Variants in PODXL observed in about 807,000 individuals in gnomAD.
PODXL encodes the protein podocalyxin.
PODXL carries 20 observed loss-of-function variants against 48.9 expected under a neutral mutation model. The observed-to-expected ratio is 0.41, with a 90% CI of 0.29 to 0.59. The LOEUF (loss-of-function observed/expected upper bound fraction) is 0.59, where lower values mean the gene tolerates loss of function less well. PODXL is among the 20% of genes least tolerant of loss of function. The probability of loss-of-function intolerance (pLI) is 0.31; values close to 1 mark genes in which losing one functional copy is unlikely to be tolerated. For missense variants in PODXL, 606 were observed against 675.1 expected (o/e 0.90, Z 1.13); for synonymous variants, 295 against 287.4 (o/e 1.03, Z -0.27).
chr7:131,524,612 G>T (rs549863038), intron 1 of PODXL, among the ~76,000 whole-genome samples: 2 of 152,130 alleles, frequency 1.3e-5, no homozygotes, highest in Non-Finnish European at 1.5e-5. Context: ...ACAAACTGAC[G>T]ATCCCAAATG....
chr7:131,504,504 C>A lies in PODXL; in HGVS notation c.1484G>T (p.Arg495Leu). 1.2e-6 allele frequency: 2 copies of A among 1,614,058 alleles called. No homozygotes were observed. Among genetic ancestry groups the A allele is most frequent in the Non-Finnish European group, 1.7e-6 (2 of 1,179,932 alleles). The change falls in exon 9 of 9, where the codon CGG becomes CTG. Residue 495 changes from arginine to leucine, a missense_variant. Arg to Leu is a moderately radical substitution (Grantham distance 102, BLOSUM62 -2). Coordinates refer to ENST00000378555, the MANE Select transcript of PODXL (RefSeq NM_001018111.3). ...CACTGTCTGCAGCTCCTCTGTTAGCCGCTGCTAGAGTGGGGAAGGTGACCG... is the reference window on the plus strand; with the variant it reads ...CACTGTCTGCAGCTCCTCTGTTAGCAGCTGCTAGAGTGGGGAAGGTGACCG... ...QRLSQRKDQQ[R>L]LTEELQTVEN...
At chr7:131,511,862 G>GCA (rs1797919466) in intron 1 of PODXL, among the ~76,000 whole-genome samples, 1 of 152,298 alleles carries the variant, frequency 6.6e-6, no homozygotes, top group South Asian at 2.1e-4. Flanking sequence ...AGGCTGTCAT[G>GCA]CATGCCCTGC....
intron 1 of PODXL, among the ~76,000 whole-genome samples, chr7:131,551,394 C>G (rs1798665018): frequency 6.6e-6 from 1 of 152,192 alleles, no homozygotes; most frequent in African/African-American, 2.4e-5. Flanking sequence ...GGCTGAGGTC[C>G]AGTGAAAGTG....
chr7:131,522,707 G>A (rs1275614770), intron 1 of PODXL, among the ~76,000 whole-genome samples: 2 of 152,232 alleles, frequency 1.3e-5, no homozygotes, highest in Non-Finnish European at 2.9e-5. Flanking sequence ...ATCTACTTCT[G>A]TCTATGGACT....
chr7:131,540,572 G>A (rs1458804730), intron 1 of PODXL, among the ~76,000 whole-genome samples: 1 of 152,024 alleles, frequency 6.6e-6, no homozygotes, highest in Non-Finnish European at 1.5e-5. Context: ...CCTGCAACCT[G>A]TCCCCAGGCA....
intron 1 of PODXL, among the ~76,000 whole-genome samples, chr7:131,532,445 A>AAAT (rs1562913008): frequency 6.7e-6 from 1 of 148,702 alleles, no homozygotes; most frequent in Non-Finnish European, 1.5e-5. Context: ...CAAAAAAAAA[A>AAAT]AAAAAATTAA....
At chr7:131,539,709 G>C (rs933274863) in intron 1 of PODXL, among the ~76,000 whole-genome samples, 8 of 152,252 alleles carry the variant, frequency 5.3e-5, no homozygotes. Context: ...GGGGCAGCCA[G>C]GCTCAGCCAG....
Position 131,505,872 on chromosome 7 carries a change from T to G in PODXL, c.1475A>C (p.Asp492Ala). Residue 492 changes from aspartate (D) to alanine (A), a missense_variant, in exon 8 of 9, where the codon GAC becomes GCC. Coordinates refer to ENST00000378555, the MANE Select transcript of PODXL (RefSeq NM_001018111.3). ...CCHQRLSQRK[D>A]QQRLTEELQT... ...TGGCTGCAAACAGCTGCTTACCTGG[T>G]CCTTCCTCTGGGAGAGGCGCTGGTG... is the stretch of plus-strand genomic sequence containing the variant. 1 of 1,560,804 alleles carries G rather than the reference T, an allele frequency of 6.4e-7. No homozygotes were observed. Among genetic ancestry groups the G allele is most frequent in the African/African-American group, 1.3e-5 (1 of 74,090 alleles).
rs1160496983 is a variant in PODXL, at chr7:131,506,486, C to T, written c.1249+93G>A. 1.5e-5 allele frequency: 22 copies of T among 1,466,316 alleles called. No individual in the cohort carries two copies. In the East Asian group the frequency reaches 4.3e-4, roughly 29 times the overall value. 90.8% of individuals were successfully genotyped at this position (1,466,316 alleles called of 1,614,324 possible). On this transcript the variant is annotated intron_variant, in intron 6 of 8. Transcript: ENST00000378555. ...GACAGTTCTTAGGGAACTGAAGGGG[C>T]ACCACTGTGACCCACCCTCCAATGT...
At chr7:131,518,820 G>A (rs73722847) in intron 1 of PODXL, among the ~76,000 whole-genome samples, 9,658 of 152,200 alleles carry the variant, frequency 0.063, 332 homozygotes, top group Middle Eastern at 0.11. Context: ...CCTCCACCAC[G>A]CCACTTGGTC....
chr7:131,532,372 C>T (rs975865985), intron 1 of PODXL, among the ~76,000 whole-genome samples: 1 of 149,146 alleles, frequency 6.7e-6, no homozygotes, highest in Non-Finnish European at 1.5e-5. Flanking sequence ...GGAGGCGGAG[C>T]TGGCAGTGAG....
Position 131,556,361 on chromosome 7 carries a change from G to T in PODXL, c.-2C>A. On this transcript the variant is annotated 5_prime_UTR_variant, in exon 1 of 9. Transcript: ENST00000378555. ...CGAGAGCGCCAGCGCGCAGCGCATC[G>T]TGTCGTCGCCTCTGGGCCGGGAGCA... 1 of 1,421,682 alleles carries T rather than the reference G, an allele frequency of 7.0e-7. No homozygotes were observed. 88.1% of individuals were successfully genotyped at this position (1,421,682 alleles called of 1,614,324 possible). A position where few individuals can be genotyped will look rare whatever the true frequency, so the allele number is the denominator to read the frequency against.
chr7:131,508,907 G>T, intron 5 of PODXL, 44 bp downstream of exon 5: 2 of 1,340,318 alleles, frequency 1.5e-6, no homozygotes, highest in Non-Finnish European at 2.1e-6. Context: ...CCTCAGCCCT[G>T]CTGTGAGCCT....
At chr7:131,535,559 A>T (rs890511084) in intron 1 of PODXL, among the ~76,000 whole-genome samples, 2 of 152,122 alleles carry the variant, frequency 1.3e-5, no homozygotes, top group African/African-American at 4.8e-5. Context: ...ACCAAAGTAA[A>T]TATCTTAGGC....
In PODXL at chr7:131,511,646, G is replaced by A. The variant is rs532225005; in HGVS notation, c.101-213C>T. ...TTCTTCTTCCTTTTTGTGGAGAATG[G>A]GGTCTTGCTATATTGCCCAGGCAGG... On this transcript the variant is annotated intron_variant, in intron 1 of 8. Coordinates refer to ENST00000378555, the MANE Select transcript of PODXL (RefSeq NM_001018111.3). 3.3e-5 allele frequency among the ~76,000 whole-genome samples: 5 copies of A among 152,026 alleles called. 1 individual carries two copies. In the East Asian group the frequency reaches 9.7e-4, roughly 29 times the overall value.
intron 1 of PODXL, among the ~76,000 whole-genome samples, chr7:131,537,870 T>G (rs939002573): frequency 5.3e-5 from 8 of 152,178 alleles, no homozygotes; most frequent in Non-Finnish European, 1.2e-4. Flanking sequence ...TTTGTGTAAC[T>G]CATCCTTCTC....
At chr7:131,524,347 A>AACACACACAC (rs1222175582) in intron 1 of PODXL, among the ~76,000 whole-genome samples, 20 of 59,228 alleles carry the variant, frequency 3.4e-4, no homozygotes, top group African/African-American at 4.3e-4. Context: ...TTCAATAGGA[A>AACACACACAC]ACACACACAC....
chr7:131,530,953 G>A (rs1018635825), intron 1 of PODXL, among the ~76,000 whole-genome samples: 1 of 152,018 alleles, frequency 6.6e-6, no homozygotes, highest in African/African-American at 2.4e-5. Flanking sequence ...AGCTACTCGG[G>A]AGGCTGAGAC....
At chr7:131,508,212 C>T (rs1797843406) in intron 5 of PODXL, among the ~76,000 whole-genome samples, 1 of 152,324 alleles carries the variant, frequency 6.6e-6, no homozygotes, top group Non-Finnish European at 1.5e-5. Flanking sequence ...TGCTCACACG[C>T]ACGCTCACCA....
Sources: gnomAD v4.1 joint callset for allele counts (sites outside exome capture counted in the v4.1 genomes callset) on GRCh38, gnomAD v4.1.1 for gene constraint, MANE v1.5 for transcripts, NCBI Gene and HGNC (gene_info 2026-07-23, HGNC 2026-07-21) for gene names.